TAFA1: variants seen among roughly 807,000 people sequenced by gnomAD.
TAFA1 encodes TAFA chemokine like family member 1.
Under a neutral mutation model 18.5 loss-of-function variants are expected in TAFA1, and 4 were observed. That is an observed-to-expected ratio of 0.22 (90% CI 0.11 to 0.49). The LOEUF is 0.49. Among genes scored for constraint, TAFA1 ranks in the 20% least tolerant of loss-of-function variants. TAFA1 has a pLI of 0.98. For missense variants in TAFA1, 147 were observed against 169.0 expected (o/e 0.87, Z 0.72); for synonymous variants, 56 against 55.2 (o/e 1.01, Z -0.06).
intron 2 of TAFA1, among the ~76,000 whole-genome samples, chr3:68,340,442 G>C (rs899253336): frequency 2.0e-5 from 3 of 152,202 alleles, no homozygotes; most frequent in Non-Finnish European, 4.4e-5. Flanking sequence ...AAATGTAGAA[G>C]GCATTTGAAT....
chr3:68,381,532 A>C lies in TAFA1; in HGVS notation c.119-35748A>C, dbSNP rs540254103. Among the ~76,000 whole-genome samples, 530 of 152,284 alleles carry C rather than the reference A, an allele frequency of 3.5e-3. 3 individuals are homozygous for C. Among genetic ancestry groups the C allele is most frequent in the Non-Finnish European group, 5.6e-3 (384 of 68,034 alleles). On this transcript the variant is annotated intron_variant, in intron 2 of 4. Coordinates refer to ENST00000478136, the MANE Select transcript of TAFA1 (RefSeq NM_213609.4). ...CAGGTATTTTATTCTCTTTGAAGCA[A>C]ATGTGAATGGGAGTTCACTCATGAT...
intron 3 of TAFA1, among the ~76,000 whole-genome samples, chr3:68,532,427 T>C (rs1338844262): frequency 1.3e-5 from 2 of 152,098 alleles, no homozygotes; most frequent in African/African-American, 2.4e-5. Context: ...TGAGTCTTTT[T>C]TTCGGAGGGG....
At chr3:68,127,809 G>C (rs200687528) in intron 2 of TAFA1, among the ~76,000 whole-genome samples, 2 of 145,714 alleles carry the variant, frequency 1.4e-5, no homozygotes, top group Non-Finnish European at 3.0e-5. Flanking sequence ...TGGCAGTGGT[G>C]GTGGTGGTGG....
intron 2 of TAFA1, among the ~76,000 whole-genome samples, chr3:68,076,089 G>T (rs903860081): frequency 3.9e-5 from 6 of 152,152 alleles, no homozygotes; most frequent in Admixed American, 2.0e-4. Flanking sequence ...CAGAAATGTG[G>T]TTTTTGTTGG....
chr3:68,005,394 G>A (rs1704339719), intron 1 of TAFA1, among the ~76,000 whole-genome samples: 1 of 152,204 alleles, frequency 6.6e-6, no homozygotes, highest in Non-Finnish European at 1.5e-5. Flanking sequence ...CTTAATTATA[G>A]TTGTCACCAT....
At chr3:68,528,741 G>C (rs913549662) in intron 3 of TAFA1, among the ~76,000 whole-genome samples, 19 of 152,292 alleles carry the variant, frequency 1.2e-4, no homozygotes, top group African/African-American at 4.3e-4. Flanking sequence ...ACAATCATAT[G>C]TTCAACCATT....
intron 2 of TAFA1, among the ~76,000 whole-genome samples, chr3:68,383,886 T>C (rs891642926): frequency 7.2e-5 from 11 of 152,194 alleles, no homozygotes; most frequent in African/African-American, 2.7e-4. Context: ...GGATTCAACT[T>C]CTTCCTGGTT....
chr3:68,540,545 G>C (rs1204983676), intron 4 of TAFA1, among the ~76,000 whole-genome samples: 1 of 152,098 alleles, frequency 6.6e-6, no homozygotes, highest in African/African-American at 2.4e-5. Flanking sequence ...CTGAATTATG[G>C]CCAGTATGAT....
At chr3:68,379,937 C>A (rs964388042) in intron 2 of TAFA1, among the ~76,000 whole-genome samples, 3 of 151,520 alleles carry the variant, frequency 2.0e-5, no homozygotes, top group African/African-American at 7.3e-5. Flanking sequence ...CCACAACAGT[C>A]CCCAATGTGT....
At position 68,430,574 on chromosome 3, in the gene TAFA1, G is replaced by C. The variant is rs560509762; in HGVS notation, c.259+13154G>C. Reference sequence around the variant, plus strand: ...CAACTTAGAATTTTGTGAGTGAGGAGACAGTATTGAGAGCCCTCTATAGAG... The same window carrying C: ...CAACTTAGAATTTTGTGAGTGAGGACACAGTATTGAGAGCCCTCTATAGAG... On this transcript the variant is annotated intron_variant, in intron 3 of 4. Transcript: ENST00000478136. Among the ~76,000 whole-genome samples the C allele has an allele frequency of 1.4e-3, 206 of 152,080 alleles. 1 individual carries two copies. Among genetic ancestry groups the C allele is most frequent in the African/African-American group, 4.8e-3 (199 of 41,534 alleles).
intron 3 of TAFA1, among the ~76,000 whole-genome samples, chr3:68,485,570 A>T (rs923345104): frequency 6.6e-6 from 1 of 152,174 alleles, no homozygotes; most frequent in Non-Finnish European, 1.5e-5. Flanking sequence ...CAATTCCTCT[A>T]TTTCCTTTGA....
upstream of TAFA1, among the ~76,000 whole-genome samples, chr3:68,002,183 G>A (rs1265587775): frequency 6.6e-6 from 1 of 152,100 alleles, no homozygotes; most frequent in Non-Finnish European, 1.5e-5. Flanking sequence ...TACATTATTA[G>A]GACAAATGAT....
chr3:68,398,529 C>T (rs145032177), intron 2 of TAFA1, among the ~76,000 whole-genome samples: 1 of 152,248 alleles, frequency 6.6e-6, no homozygotes, highest in African/African-American at 2.4e-5. Context: ...AATGTCTTTC[C>T]TGCATTATTG....
intron 2 of TAFA1, among the ~76,000 whole-genome samples, chr3:68,220,665 A>G (rs1275630263): frequency 6.6e-6 from 1 of 152,086 alleles, no homozygotes; most frequent in African/African-American, 2.4e-5. Context: ...ACTCTACAAA[A>G]TGCCATCAGG....
intron 2 of TAFA1, among the ~76,000 whole-genome samples, chr3:68,098,798 A>G (rs1184048937): frequency 2.0e-5 from 3 of 152,176 alleles, no homozygotes; most frequent in Non-Finnish European, 4.4e-5. Context: ...TACGGGTACA[A>G]AAACAGATGT....
chr3:68,515,474 C>T (rs899404260), intron 3 of TAFA1, among the ~76,000 whole-genome samples: 1 of 152,084 alleles, frequency 6.6e-6, no homozygotes, highest in African/African-American at 2.4e-5. Context: ...GTTAGCTCCA[C>T]CTAAAGCATC....
At chr3:68,014,646 A>G (rs1168381634) in intron 2 of TAFA1, among the ~76,000 whole-genome samples, 1 of 152,186 alleles carries the variant, frequency 6.6e-6, no homozygotes. Flanking sequence ...TAAACTACCC[A>G]AGGAACTGGT....
intron 2 of TAFA1, among the ~76,000 whole-genome samples, chr3:68,085,113 C>T (rs2064955285): frequency 6.6e-6 from 1 of 152,164 alleles, no homozygotes; most frequent in African/African-American, 2.4e-5. Flanking sequence ...TAGGATTTCT[C>T]ACCTACTGTG....
At chr3:68,212,792 A>G (rs79046759) in intron 2 of TAFA1, among the ~76,000 whole-genome samples, 1 of 151,942 alleles carries the variant, frequency 6.6e-6, no homozygotes, top group Non-Finnish European at 1.5e-5. Context: ...GAGAAAGGGG[A>G]TGGTTGCCAT....
Sources: gnomAD v4.1 joint callset for allele counts (sites outside exome capture counted in the v4.1 genomes callset) on GRCh38, gnomAD v4.1.1 for gene constraint, MANE v1.5 for transcripts, NCBI Gene and HGNC (gene_info 2026-07-23, HGNC 2026-07-21) for gene names.